CACNA1D: variants seen among roughly 807,000 people sequenced by gnomAD.
CACNA1D encodes the protein calcium voltage-gated channel subunit alpha1 D.
A neutral mutation model predicts 257.1 loss-of-function variants in CACNA1D; 55 were observed. That is an observed-to-expected ratio of 0.21 (90% CI 0.17 to 0.27). CACNA1D has a LOEUF of 0.27. CACNA1D is among the 10% of genes least tolerant of loss of function. The pLI is 1.00. For synonymous variants in CACNA1D, 980 were observed against 1,014.9 expected (o/e 0.97, Z 0.65); for missense variants, 1,876 against 2,784.0 (o/e 0.67, Z 7.34).
chr3:53,505,507 C>G (rs1179669726), intron 3 of CACNA1D, among the ~76,000 whole-genome samples: 1 of 152,188 alleles, frequency 6.6e-6, no homozygotes, highest in Non-Finnish European at 1.5e-5. Context: ...TAGGGGTATA[C>G]AGTAGATGTT....
intron 3 of CACNA1D, among the ~76,000 whole-genome samples, chr3:53,504,145 T>C (rs1444784050): frequency 6.6e-6 from 1 of 152,150 alleles, no homozygotes; most frequent in East Asian, 1.9e-4. Flanking sequence ...GAACGAAACT[T>C]ATTTTTCATC....
chr3:53,576,649 A>G (rs1297982929), intron 3 of CACNA1D, among the ~76,000 whole-genome samples: 1 of 152,206 alleles, frequency 6.6e-6, no homozygotes, highest in East Asian at 1.9e-4. Flanking sequence ...TTAATAAGCT[A>G]TTATGGAGCC....
At chr3:53,676,442 G>A (rs1019451023) in intron 8 of CACNA1D, among the ~76,000 whole-genome samples, 8 of 152,178 alleles carry the variant, frequency 5.3e-5, no homozygotes, top group African/African-American at 1.7e-4. Context: ...AAAACCAGAA[G>A]GATATAAATG....
At position 53,811,245 on chromosome 3, in the gene CACNA1D, G is replaced by A. The variant is rs1188572161; in HGVS notation, c.6325G>A (p.Gly2109Arg). The change falls in exon 48 of 48, where the codon GGG becomes AGG. Residue 2109 changes from glycine (G) to arginine (R), a missense_variant. This residue lies in a region of CACNA1D where 491 missense variants were observed against 554.3 expected (regional missense o/e 0.89). Coordinates refer to ENST00000350061, the MANE Select transcript of CACNA1D (RefSeq NM_001128840.3). This position sits in a 1 kb window ranked among gnomAD's most constrained non-coding sequence, Gnocchi z 4.2. ...MESAASTLLN[G>R]NVRPRANGDV... ...GAGTGCAGCCAGCACCCTGCTTAATGGGAACGTGCGTCCCCGAGCCAACGG... is the reference window on the plus strand; with the variant it reads ...GAGTGCAGCCAGCACCCTGCTTAATAGGAACGTGCGTCCCCGAGCCAACGG... The A allele has an allele frequency of 6.2e-7, 1 of 1,614,046 alleles. No individual in the cohort carries two copies. Among genetic ancestry groups the A allele is most frequent in the Non-Finnish European group, 8.5e-7 (1 of 1,180,038 alleles).
At chr3:53,698,629 TCCCA>T (rs1338628615) in intron 8 of CACNA1D, among the ~76,000 whole-genome samples, 1 of 152,200 alleles carries the variant, frequency 6.6e-6, no homozygotes, top group Non-Finnish European at 1.5e-5. Context: ...TTAACATGGT[TCCCA>T]AAGTCAAAAC....
intron 3 of CACNA1D, among the ~76,000 whole-genome samples, chr3:53,569,433 G>A (rs78692076): frequency 4.3e-4 from 65 of 152,310 alleles, no homozygotes; most frequent in African/African-American, 1.3e-3. Flanking sequence ...GGAGGACTCC[G>A]TTTACTGTTG....
chr3:53,672,866 T>G (rs1478440342), intron 7 of CACNA1D, among the ~76,000 whole-genome samples, 157 bp from the exon 8 acceptor site: 1 of 150,386 alleles, frequency 6.6e-6, no homozygotes, highest in Non-Finnish European at 1.5e-5. Context: ...TAATGTGTGT[T>G]GGCTGCTGTT....
In CACNA1D at chr3:53,732,035, G is replaced by A. The variant is rs2094998310; in HGVS notation, c.2426G>A (p.Arg809Lys). ...SDNKVTIDDYREEDEDKDPYP... is the reference protein window; with the variant it reads ...SDNKVTIDDYKEEDEDKDPYP... ...TCCTAGGTTACAATTGATGACTATA[G>A]AGAAGAGGATGAAGACAAGGACCCC... The change falls in exon 18 of 48, where the codon AGA (arginine) becomes AAA (lysine). Residue 809 changes from arginine (R) to lysine (K), a missense_variant. Physicochemically the swap from Arg to Lys is conservative, Grantham distance 26 (BLOSUM62 2). Around this residue, in one of 10 missense-constraint regions of CACNA1D, gnomAD observed 78 missense variants for 69.2 expected, o/e 1.13. Coordinates refer to ENST00000350061, the MANE Select transcript of CACNA1D (RefSeq NM_001128840.3). 1 of 1,610,908 alleles carries A rather than the reference G, an allele frequency of 6.2e-7. No homozygotes were observed. The highest frequency in any genetic ancestry group is 8.5e-7 in the Non-Finnish European group (1 of 1,176,958).
chr3:53,812,897 A>G lies in CACNA1D; in HGVS notation c.*1491A>G, dbSNP rs877484. On this transcript the variant is annotated 3_prime_UTR_variant, in exon 48 of 48. Coordinates refer to ENST00000350061, the MANE Select transcript of CACNA1D (RefSeq NM_001128840.3). ...CTGTATGTTCTCTTTGAGGGCTTTT[A>G]TATGCAATTGAATGAGGGCTGAAGT... 65,707 of 152,002 alleles carry G rather than the reference A, an allele frequency of 0.43. 16,439 individuals are homozygous for G. The highest frequency in any genetic ancestry group is 0.7 in the East Asian group (3,617 of 5,156). The allele number at this position is 152,002 out of a possible 1,614,324, so 9.4% of individuals were successfully genotyped here. A position where few individuals can be genotyped will look rare whatever the true frequency, so the allele number is the denominator to read the frequency against.
In CACNA1D at chr3:53,811,090, A is replaced by G. The variant is rs186969757; in HGVS notation, c.6193-23A>G. 12 of 1,606,184 alleles carry G rather than the reference A, an allele frequency of 7.5e-6. No homozygotes were observed. Among genetic ancestry groups the G allele is most frequent in the Admixed American group, 1.7e-5 (1 of 59,992 alleles). Reference sequence around the variant, plus strand: ...CAAAGCCTTATAACACCCCCATGCCATCCATCCCTCTTTTCTGTACAGGTC... The same window carrying G: ...CAAAGCCTTATAACACCCCCATGCCGTCCATCCCTCTTTTCTGTACAGGTC... On this transcript the variant is annotated intron_variant, in intron 47 of 47. Transcript: ENST00000350061. The surrounding 1 kb of genome is among the most constrained non-coding windows in gnomAD (Gnocchi z 4.2).
chr3:53,734,999 A>G (rs1168897810), intron 19 of CACNA1D, among the ~76,000 whole-genome samples: 2 of 152,180 alleles, frequency 1.3e-5, no homozygotes, highest in Non-Finnish European at 1.5e-5. Flanking sequence ...TCATAGTGGA[A>G]AAACTTCAGT....
chr3:53,674,636 C>G (rs1016925060), intron 8 of CACNA1D, among the ~76,000 whole-genome samples: 3 of 152,318 alleles, frequency 2.0e-5, no homozygotes, highest in South Asian at 2.1e-4. Flanking sequence ...ATCCCAGAAC[C>G]CTTGTGGGCA....
At chr3:53,621,226 C>T (rs1364339527) in intron 3 of CACNA1D, among the ~76,000 whole-genome samples, 1 of 152,152 alleles carries the variant, frequency 6.6e-6, no homozygotes, top group Non-Finnish European at 1.5e-5. Flanking sequence ...CAGCTTCTCT[C>T]TCCATGGCCC....
intron 9 of CACNA1D, chr3:53,710,539 A>T: frequency 2.2e-6 from 1 of 454,556 alleles, no homozygotes; most frequent in African/African-American, 2.0e-5. Flanking sequence ...TTCCTTGCAC[A>T]TAGGCATTGT....
intron 8 of CACNA1D, among the ~76,000 whole-genome samples, chr3:53,692,716 A>T (rs945497013): frequency 6.6e-6 from 1 of 152,226 alleles, no homozygotes; most frequent in Non-Finnish European, 1.5e-5. Context: ...TTCCCAAAAG[A>T]TGAAAACTGT....
chr3:53,808,931 G>C, intron 46 of CACNA1D, 161 bp downstream of exon 46: 1 of 741,608 alleles, frequency 1.3e-6, no homozygotes, highest in East Asian at 2.7e-5. Flanking sequence ...AAATAGCTAT[G>C]GCCATGAGTC....
chr3:53,807,107 T>C (rs925326760), intron 45 of CACNA1D, among the ~76,000 whole-genome samples: 1 of 152,228 alleles, frequency 6.6e-6, no homozygotes, highest in African/African-American at 2.4e-5. Flanking sequence ...TGCAGGGGGA[T>C]TCCCTCCTCC....
chr3:53,515,594 T>A (rs759187564), intron 3 of CACNA1D, among the ~76,000 whole-genome samples: 4 of 152,172 alleles, frequency 2.6e-5, no homozygotes, highest in Non-Finnish European at 5.9e-5. Flanking sequence ...TCTCCTGCCC[T>A]TTCTGCCACA....
At chr3:53,734,622 G>A (rs1205673535) in intron 19 of CACNA1D, among the ~76,000 whole-genome samples, 3 of 152,108 alleles carry the variant, frequency 2.0e-5, no homozygotes, top group African/African-American at 4.8e-5. Flanking sequence ...GAGAGCCATC[G>A]TTTGAGCCCA....
Sources: gnomAD v4.1 joint callset for allele counts (sites outside exome capture counted in the v4.1 genomes callset) on GRCh38, gnomAD v4.1.1 for gene constraint, gnomAD v4.1.1 regional missense constraint, Gnocchi (gnomAD v3.1) non-coding constraint, MANE v1.5 for transcripts, NCBI Gene and HGNC (gene_info 2026-07-23, HGNC 2026-07-21) for gene names.